PPFIA4: variants seen among roughly 807,000 people sequenced by gnomAD.
The protein encoded by PPFIA4 is PPFI scaffold protein A4.
A neutral mutation model predicts 145.7 loss-of-function variants in PPFIA4; 98 were observed. The observed-to-expected ratio is 0.67, with a 90% CI of 0.57 to 0.80. The LOEUF (loss-of-function observed/expected upper bound fraction) is 0.80, where lower values mean the gene tolerates loss of function less well. Ranked by LOEUF, PPFIA4 falls within the 30% of genes least tolerant of loss-of-function variation. The pLI is 0.00. For missense variants in PPFIA4, 1,457 were observed against 1,632.7 expected, an observed-to-expected ratio of 0.89 and a Z score of 1.85; for synonymous variants, 628 against 649.6, an observed-to-expected ratio of 0.97 and a Z score of 0.51.
intron 19 of PPFIA4, among the ~76,000 whole-genome samples, chr1:203,058,409 T>C (rs12563163): frequency 0.63 from 95,349 of 151,956 alleles, 30,066 homozygotes; most frequent in African/African-American, 0.67. Flanking sequence ...TCCACAGGGG[T>C]GAGGGGAGTT....
intron 28 of PPFIA4, among the ~76,000 whole-genome samples, chr1:203,072,766 T>A (rs1662258927): frequency 6.6e-6 from 1 of 152,230 alleles, no homozygotes; most frequent in African/African-American, 2.4e-5. Flanking sequence ...CTATAAGGAA[T>A]ACACAGAATT....
At chr1:203,049,604 C>G (rs1660344682) in intron 12 of PPFIA4, 72 bp from the exon 13 acceptor site, 1 of 1,259,118 alleles carries the variant, frequency 7.9e-7, no homozygotes, top group Non-Finnish European at 1.1e-6. Flanking sequence ...TTGTCCCTCT[C>G]TGACTCCCAC....
intron 14 of PPFIA4, among the ~76,000 whole-genome samples, chr1:203,052,838 G>A (rs941041840): frequency 3.3e-5 from 5 of 152,206 alleles, no homozygotes; most frequent in Admixed American, 6.5e-5. Context: ...AGAAGCTGCC[G>A]CCTCTCAGGG....
At chr1:203,051,294 A>T in intron 13 of PPFIA4, 1 of 986,626 alleles carries the variant, frequency 1.0e-6, no homozygotes, top group Non-Finnish European at 1.2e-6. Flanking sequence ...TTATGGGGAG[A>T]CCCGAGGAAA....
chr1:203,032,041 C>CGTGTGTGTGTGT (rs66626205), intron 1 of PPFIA4, among the ~76,000 whole-genome samples: 63,572 of 146,130 alleles, frequency 0.44, 14,353 homozygotes, highest in Non-Finnish European at 0.52. Context: ...TCTGAGAGAA[C>CGTGTGTGTGTGT]GTGTGTGTGT....
At position 203,046,002 on chromosome 1, in the gene PPFIA4, T is replaced by TG. The variant is rs778131907; in HGVS notation, c.1005+19dup. On this transcript the variant is annotated intron_variant, in intron 8 of 29. Transcript: ENST00000295706. ...TGCACCGCCAGGTACCTCCTCAGGG[T>TG]GGGGTGGGGATGGGCATTGTACTTA... is the stretch of plus-strand genomic sequence containing the variant. 3.1e-6 allele frequency: 5 copies of TG among 1,611,294 alleles called. No homozygotes were observed. In the South Asian group the frequency reaches 4.4e-5, roughly 14 times the overall value.
rs1660824947 is a variant in PPFIA4, at chr1:203,055,037, C to G, written c.1830-395C>G. On this transcript the variant is annotated intron_variant, in intron 15 of 29. Coordinates refer to ENST00000295706, the MANE Select transcript of PPFIA4 (RefSeq NM_001304331.2). The surrounding 1 kb of genome is among the most constrained non-coding windows in gnomAD (Gnocchi z 4.8). ...TTCTGTGGAACAGGGAAAACCCCAC[C>G]AGGGGTCAGCATCATTTAAAAGTCC... Among the ~76,000 whole-genome samples, 1 of 152,176 alleles carries G rather than the reference C, an allele frequency of 6.6e-6. No homozygotes were observed. Among genetic ancestry groups the G allele is most frequent in the African/African-American group, 2.4e-5 (1 of 41,424 alleles).
Position 203,055,343 on chromosome 1 carries a change from TTGG to T in PPFIA4, c.1830-85_1830-83del. The T allele has an allele frequency of 6.4e-7, 1 of 1,556,840 alleles. No homozygotes were observed. Among genetic ancestry groups the T allele is most frequent in the Non-Finnish European group, 8.8e-7 (1 of 1,134,934 alleles). On this transcript the variant is annotated intron_variant, in intron 15 of 29. Coordinates refer to ENST00000295706, the MANE Select transcript of PPFIA4 (RefSeq NM_001304331.2). The surrounding 1 kb of genome is among the most constrained non-coding windows in gnomAD (Gnocchi z 4.8). ...GGCGGGTGTACACCGCATGTGGTCCTTGGTGGCGAGTGCAGGCATCGACCCGCA... is the reference window on the plus strand; with the variant it reads ...GGCGGGTGTACACCGCATGTGGTCCTTGGCGAGTGCAGGCATCGACCCGCA...
At chr1:203,044,500 C>A in intron 5 of PPFIA4, 47 bp downstream of exon 5, 1 of 1,521,158 alleles carries the variant, frequency 6.6e-7, no homozygotes, top group Non-Finnish European at 8.9e-7. Flanking sequence ...GAAGTCCAGG[C>A]TGGTTCACCC....
In PPFIA4 at chr1:203,038,490, C is replaced by T. The variant is rs556115182; in HGVS notation, c.-399-120C>T. On this transcript the variant is annotated intron_variant, in intron 1 of 29. Transcript: ENST00000295706. Reference sequence around the variant, plus strand: ...TGAGTAAGCCTGGAGAAGGGGCATGCGCCAGCACCTCCCTCTCCTCCCCCA... The same window carrying T: ...TGAGTAAGCCTGGAGAAGGGGCATGTGCCAGCACCTCCCTCTCCTCCCCCA... 1.3e-4 allele frequency: 20 copies of T among 153,182 alleles called. No individual in the cohort carries two copies. The South Asian group carries it at 3.9e-3, about 30-fold the overall frequency. The allele number at this position is 153,182 out of a possible 1,614,324, so 9.5% of individuals were successfully genotyped here. A position where few individuals can be genotyped will look rare whatever the true frequency, so the allele number is the denominator to read the frequency against.
In PPFIA4 at chr1:203,056,884, C is replaced by T. The variant is rs771493631; in HGVS notation, c.2341C>T (p.Arg781Cys). The T allele has an allele frequency of 7.3e-5, 118 of 1,613,946 alleles. No homozygotes were observed. Among genetic ancestry groups the T allele is most frequent in the Middle Eastern group, 1.6e-4 (1 of 6,084 alleles). Residue 781 changes from arginine to cysteine, a missense_variant, in exon 19 of 30, where the codon CGC (arginine) becomes TGC (cysteine). Around this residue, in one of 3 missense-constraint regions of PPFIA4, gnomAD observed 848 missense variants for 1,046.7 expected, o/e 0.81. Coordinates refer to ENST00000295706, the MANE Select transcript of PPFIA4 (RefSeq NM_001304331.2). ...KRKGIKSSIG[R>C]LFGKKEKGRL... ...CAAGGGCATCAAGTCGTCCATTGGCCGCCTGTTTGGGAAGAAGGAGAAGGG... is the reference window on the plus strand; with the variant it reads ...CAAGGGCATCAAGTCGTCCATTGGCTGCCTGTTTGGGAAGAAGGAGAAGGG...
chr1:203,037,585 G>A lies in PPFIA4; in HGVS notation c.-399-1025G>A, dbSNP rs1239281934. On this transcript the variant is annotated intron_variant, in intron 1 of 29. Coordinates refer to ENST00000295706, the MANE Select transcript of PPFIA4 (RefSeq NM_001304331.2). ...CTGATTGTAGGCAGAGAAATCCCTC[G>A]CTGCATGCGGCCTTTTTCTCATTAC... Among the ~76,000 whole-genome samples, 3 of 152,180 alleles carry A rather than the reference G, an allele frequency of 2.0e-5. No individual in the cohort carries two copies. In the East Asian group the frequency reaches 5.8e-4, roughly 29 times the overall value.
At position 203,060,145 on chromosome 1, in the gene PPFIA4, C is replaced by T. The variant is rs1661258985; in HGVS notation, c.2584-72C>T. On this transcript the variant is annotated intron_variant, in intron 21 of 29. Coordinates refer to ENST00000295706, the MANE Select transcript of PPFIA4 (RefSeq NM_001304331.2). This position sits in a 1 kb window ranked among gnomAD's most constrained non-coding sequence, Gnocchi z 4.8. ...TCCGTGGATGAGGCCTGGCCCTTGCCCCTTGCTGTTGCCAAACTCTTGGTG... is the reference window on the plus strand; with the variant it reads ...TCCGTGGATGAGGCCTGGCCCTTGCTCCTTGCTGTTGCCAAACTCTTGGTG... The T allele has an allele frequency of 6.7e-7, 1 of 1,485,892 alleles. No homozygotes were observed. The allele number at this position is 1,485,892 out of a possible 1,614,324, so 92.0% of individuals were successfully genotyped here.
intron 5 of PPFIA4, 22 bp downstream of exon 5, chr1:203,044,475 A>C: frequency 6.5e-7 from 1 of 1,547,214 alleles, no homozygotes; most frequent in South Asian, 1.2e-5. Context: ...GCTCACCCTC[A>C]GTCTGCAGCT....
Position 203,043,838 on chromosome 1 carries a change from A to C in PPFIA4, c.337-93A>C. On this transcript the variant is annotated intron_variant, in intron 3 of 29. Transcript: ENST00000295706. This position sits in a 1 kb window ranked among gnomAD's most constrained non-coding sequence, Gnocchi z 4.4. ...TTTCACAGTGGGGTGGCTGTAACTC[A>C]TGTCTGCTCGGGGATCACATGGACC... 7.7e-7 allele frequency: 1 copy of C among 1,304,166 alleles called. No homozygotes were observed. Among genetic ancestry groups the C allele is most frequent in the Non-Finnish European group, 1.0e-6 (1 of 958,120 alleles). The allele number at this position is 1,304,166 out of a possible 1,614,324, so 80.8% of individuals were successfully genotyped here.
chr1:203,062,731 C>G (rs1260434435), intron 24 of PPFIA4, among the ~76,000 whole-genome samples: 1 of 152,092 alleles, frequency 6.6e-6, no homozygotes, highest in Non-Finnish European at 1.5e-5. Flanking sequence ...CTAAAAGATG[C>G]ATGGAATTTG....
chr1:203,071,834 C>A, intron 28 of PPFIA4, 74 bp downstream of exon 28: 1 of 1,276,056 alleles, frequency 7.8e-7, no homozygotes, highest in Non-Finnish European at 1.1e-6. Context: ...ATGAGTTCTG[C>A]CTTCCCTGGG....
chr1:203,028,914 C>T (rs1658627672), intron 1 of PPFIA4, among the ~76,000 whole-genome samples: 1 of 152,114 alleles, frequency 6.6e-6, no homozygotes, highest in Non-Finnish European at 1.5e-5. Context: ...TGCTGGCTCA[C>T]AGGAGCGTGG....
At chr1:203,045,655 C>G (rs1660026752) in intron 7 of PPFIA4, 96 bp downstream of exon 7, 1 of 1,453,230 alleles carries the variant, frequency 6.9e-7, no homozygotes, top group Non-Finnish European at 9.2e-7. Context: ...GAACACCTGC[C>G]TCCTTGCCTG....
Sources: gnomAD v4.1 joint callset for allele counts (sites outside exome capture counted in the v4.1 genomes callset) on GRCh38, gnomAD v4.1.1 for gene constraint, gnomAD v4.1.1 regional missense constraint, Gnocchi (gnomAD v3.1) non-coding constraint, MANE v1.5 for transcripts, NCBI Gene and HGNC (gene_info 2026-07-23, HGNC 2026-07-21) for gene names.